The following GABBR2 variants were observed in gnomAD, a reference collection of about 807,000 sequenced individuals.
GABBR2 encodes the protein G-protein coupled receptor 51.
GABBR2 carries 23 observed loss-of-function variants against 105.6 expected under a neutral mutation model. That is an observed-to-expected ratio of 0.22 (90% CI 0.16 to 0.31). The LOEUF is 0.31. Among genes scored for constraint, GABBR2 ranks in the 10% least tolerant of loss-of-function variants. The pLI, the probability that GABBR2 is intolerant of heterozygous loss-of-function variation, is 1.00. For synonymous variants in GABBR2, 478 were observed against 499.7 expected, an observed-to-expected ratio of 0.96 and a Z score of 0.58; for missense variants, 734 against 1,245.5, an observed-to-expected ratio of 0.59 and a Z score of 6.18.
intron 1 of GABBR2, among the ~76,000 whole-genome samples, chr9:98,636,510 T>C (rs2131832696): frequency 7.4e-6 from 1 of 135,196 alleles, no homozygotes; most frequent in South Asian, 2.5e-4. Flanking sequence ...TTTTTTTTTT[T>C]TGAGATGGAG....
intron 1 of GABBR2, among the ~76,000 whole-genome samples, chr9:98,669,035 T>C (rs1333475700): frequency 2.0e-5 from 3 of 152,144 alleles, no homozygotes; most frequent in African/African-American, 7.2e-5. Context: ...TTTGAGTCCC[T>C]GCTTTGAATT....
intron 5 of GABBR2, among the ~76,000 whole-genome samples, chr9:98,478,071 T>C (rs1399284560): frequency 6.6e-6 from 1 of 152,212 alleles, no homozygotes; most frequent in Non-Finnish European, 1.5e-5. Flanking sequence ...CATGCCATGC[T>C]CATACTGTGC....
intron 13 of GABBR2, among the ~76,000 whole-genome samples, chr9:98,334,828 A>G (rs1831086114): frequency 6.6e-6 from 1 of 152,214 alleles, no homozygotes; most frequent in Admixed American, 6.5e-5. Context: ...TCAGTATTTG[A>G]AGCTTAATCC....
intron 7 of GABBR2, among the ~76,000 whole-genome samples, chr9:98,434,373 G>A (rs1296079877): frequency 1.3e-5 from 2 of 152,104 alleles, no homozygotes; most frequent in Non-Finnish European, 2.9e-5. Context: ...TAATACAACA[G>A]GGAACATGGT....
intron 1 of GABBR2, among the ~76,000 whole-genome samples, chr9:98,579,392 C>T (rs536210016): frequency 2.6e-5 from 4 of 152,270 alleles, no homozygotes; most frequent in South Asian, 2.1e-4. Flanking sequence ...GCTCACTCAG[C>T]GCCTTTCCAT....
intron 7 of GABBR2, among the ~76,000 whole-genome samples, chr9:98,406,855 G>A (rs912047614): frequency 6.6e-6 from 1 of 152,184 alleles, no homozygotes; most frequent in African/African-American, 2.4e-5. Context: ...GAGATGGAAT[G>A]TCATCTCTTC....
At chr9:98,508,314 C>T (rs13294767) in intron 3 of GABBR2, among the ~76,000 whole-genome samples, 52,359 of 152,082 alleles carry the variant, frequency 0.34, 9,278 homozygotes, top group Middle Eastern at 0.5. Context: ...GGAACAGCTC[C>T]GGTCTACAGT....
chr9:98,551,330 G>A (rs111982640), intron 2 of GABBR2, among the ~76,000 whole-genome samples: 11 of 152,248 alleles, frequency 7.2e-5, no homozygotes, highest in African/African-American at 2.6e-4. Flanking sequence ...TTAAACCCAG[G>A]AAGAAGAGGT....
At chr9:98,291,005 G>A (rs1280140556) in intron 18 of GABBR2, among the ~76,000 whole-genome samples, 2 of 152,088 alleles carry the variant, frequency 1.3e-5, no homozygotes, top group Admixed American at 1.3e-4. Flanking sequence ...TCGAGCTTTG[G>A]GCCAGGATTT....
chr9:98,347,152 CA>C (rs942755929), intron 13 of GABBR2, among the ~76,000 whole-genome samples: 4 of 152,198 alleles, frequency 2.6e-5, no homozygotes, highest in South Asian at 4.1e-4. Flanking sequence ...GAGAAACCCC[CA>C]CATTATTTTC....
At chr9:98,379,477 C>T (rs1195138532) in intron 11 of GABBR2, among the ~76,000 whole-genome samples, 3 of 152,282 alleles carry the variant, frequency 2.0e-5, no homozygotes, top group African/African-American at 7.2e-5. Flanking sequence ...CTATGTTGGC[C>T]AGGTTGGCCT....
chr9:98,404,870 C>A (rs60496679), intron 8 of GABBR2, among the ~76,000 whole-genome samples: 6,194 of 152,144 alleles, frequency 0.041, 422 homozygotes, highest in African/African-American at 0.14. Flanking sequence ...TAAAGAGATA[C>A]TTCAAGCAGA....
chr9:98,618,725 C>T (rs964289480), intron 1 of GABBR2, among the ~76,000 whole-genome samples: 2 of 152,258 alleles, frequency 1.3e-5, no homozygotes, highest in East Asian at 3.9e-4. Flanking sequence ...CTACCACCTC[C>T]CCAGCAGCCC....
chr9:98,398,953 C>T (rs1832341449), intron 8 of GABBR2, among the ~76,000 whole-genome samples: 1 of 152,110 alleles, frequency 6.6e-6, no homozygotes, highest in Non-Finnish European at 1.5e-5. Flanking sequence ...GCAAACTGGC[C>T]CAAGGACAAG....
At chr9:98,384,306 T>C (rs1465207754) in intron 11 of GABBR2, among the ~76,000 whole-genome samples, 1 of 152,184 alleles carries the variant, frequency 6.6e-6, no homozygotes, top group African/African-American at 2.4e-5. Flanking sequence ...CATAAAACTA[T>C]TAAGTGATTG....
In GABBR2 at chr9:98,388,907, C is replaced by A. The variant is rs144387402; in HGVS notation, c.1476G>T (p.Gly492=). The change falls in exon 10 of 19, where the codon GGG becomes GGT. Residue 492 remains glycine (G), a synonymous_variant. Coordinates refer to ENST00000259455, the MANE Select transcript of GABBR2 (RefSeq NM_005458.8). This position sits in a 1 kb window ranked among gnomAD's most constrained non-coding sequence, Gnocchi z 4.4. ...YSILSALTIL[G]MIMASAFLFF... ...AGAGAAAAGCACTGGCCATGATCAT[C>A]CCGAGGATGGTGAGGGCAGAGAGGA... The A allele has an allele frequency of 1.2e-6, 2 of 1,613,930 alleles. No individual in the cohort carries two copies. Among genetic ancestry groups the A allele is most frequent in the East Asian group, 2.2e-5 (1 of 44,882 alleles).
intron 1 of GABBR2, among the ~76,000 whole-genome samples, chr9:98,597,091 G>A (rs964625152): frequency 6.6e-6 from 1 of 152,096 alleles, no homozygotes; most frequent in Non-Finnish European, 1.5e-5. Context: ...GGATCCCAGG[G>A]GTTGTCTGGG....
intron 3 of GABBR2, among the ~76,000 whole-genome samples, chr9:98,536,772 C>T (rs987795608): frequency 9.2e-5 from 14 of 152,152 alleles, no homozygotes; most frequent in African/African-American, 3.4e-4. Flanking sequence ...AATGTGCACA[C>T]GGGTTACCTG....
chr9:98,380,792 TCACA>T (rs1046187861), intron 11 of GABBR2, among the ~76,000 whole-genome samples: 1 of 152,192 alleles, frequency 6.6e-6, no homozygotes, highest in African/African-American at 2.4e-5. Flanking sequence ...GTGCACGCAC[TCACA>T]CACGCACCCA....
Sources: gnomAD v4.1 joint callset for allele counts (sites outside exome capture counted in the v4.1 genomes callset) on GRCh38, gnomAD v4.1.1 for gene constraint, Gnocchi (gnomAD v3.1) non-coding constraint, MANE v1.5 for transcripts, NCBI Gene and HGNC (gene_info 2026-07-23, HGNC 2026-07-21) for gene names.